The following ARMC1 variants were observed in gnomAD, a reference collection of about 807,000 sequenced individuals.
ARMC1 encodes armadillo repeat-containing protein 1.
ARMC1 carries 16 observed loss-of-function variants against 31.4 expected under a neutral mutation model. The ratio of observed to expected loss-of-function variants is 0.51; its 90% confidence interval spans 0.34 to 0.77. The LOEUF is 0.77. ARMC1 is among the 30% of genes least tolerant of loss of function. The probability of loss-of-function intolerance (pLI) is 0.01; values close to 1 mark genes in which losing one functional copy is unlikely to be tolerated. For missense variants in ARMC1, 259 were observed against 347.5 expected (o/e 0.75, Z 2.02); for synonymous variants, 114 against 118.9 (o/e 0.96, Z 0.27).
At position 65,606,254 on chromosome 8, in the gene ARMC1, G is replaced by A. The variant is rs185571426; in HGVS notation, c.466-716C>T. 2.2e-3 allele frequency among the ~76,000 whole-genome samples: 338 copies of A among 151,944 alleles called. 1 individual carries two copies. Among genetic ancestry groups the A allele is most frequent in the African/African-American group, 7.8e-3 (323 of 41,458 alleles). ...CGTGTGCCTGTAGTCCCAGCTGCTC[G>A]GGAGGCTGAGGCAGGAGAGTCACTT... On this transcript the variant is annotated intron_variant, in intron 4 of 6. Transcript: ENST00000276569.
At chr8:65,620,638 A>T (rs1808373728) in intron 3 of ARMC1, among the ~76,000 whole-genome samples, 1 of 151,810 alleles carries the variant, frequency 6.6e-6, no homozygotes. Flanking sequence ...GCTATTGATT[A>T]CCATACTAGA....
chr8:65,629,781 A>G (rs1313030971), intron 1 of ARMC1, among the ~76,000 whole-genome samples: 1 of 146,264 alleles, frequency 6.8e-6, no homozygotes, highest in East Asian at 2.0e-4. Flanking sequence ...CCTGGGCAAC[A>G]GAGCAAGACT....
intron 4 of ARMC1, among the ~76,000 whole-genome samples, chr8:65,609,413 A>C (rs1808074248): frequency 6.6e-6 from 1 of 152,146 alleles, no homozygotes; most frequent in African/African-American, 2.4e-5. Flanking sequence ...CAGTGAATCA[A>C]TTTACCTTTA....
At chr8:65,622,240 G>A in intron 3 of ARMC1, 23 bp downstream of exon 3, 4 of 1,558,136 alleles carry the variant, frequency 2.6e-6, no homozygotes, top group South Asian at 2.2e-5. Flanking sequence ...ATAAATAAAT[G>A]AGACACTGTC....
intron 3 of ARMC1, among the ~76,000 whole-genome samples, chr8:65,621,789 A>G (rs1177237961): frequency 6.6e-6 from 1 of 152,224 alleles, no homozygotes. Flanking sequence ...GATTTCAGGC[A>G]TGAGCCACCA....
intron 2 of ARMC1, among the ~76,000 whole-genome samples, chr8:65,625,553 A>T (rs2129043858): frequency 6.6e-6 from 1 of 152,298 alleles, no homozygotes; most frequent in East Asian, 1.9e-4. Flanking sequence ...TAGTCTATTT[A>T]AAAATAAAAA....
rs188499355 is a variant in ARMC1 at position 65,625,988 on chromosome 8, A to C, written c.183+1228T>G. ...ACTGCAACCTCTGCCTCCTGGGTTC[A>C]AGGGATTCTCCTGCCTCAGCCTCCT... On this transcript the variant is annotated intron_variant, in intron 2 of 6. Coordinates refer to ENST00000276569, the MANE Select transcript of ARMC1 (RefSeq NM_018120.6). 7.4e-3 allele frequency among the ~76,000 whole-genome samples: 1,121 copies of C among 150,758 alleles called. 35 individuals are homozygous for C. The highest frequency in any genetic ancestry group is 0.053 in the Admixed American group (794 of 15,014).
intron 3 of ARMC1, among the ~76,000 whole-genome samples, chr8:65,618,001 C>T (rs200485023): frequency 6.6e-6 from 1 of 151,446 alleles, no homozygotes; most frequent in African/African-American, 2.4e-5. Context: ...CTGCCACCTC[C>T]ACCTCCCGGG....
intron 4 of ARMC1, among the ~76,000 whole-genome samples, chr8:65,606,405 A>G (rs545004512): frequency 6.6e-6 from 1 of 152,122 alleles, no homozygotes; most frequent in Non-Finnish European, 1.5e-5. Context: ...TATGATCCAC[A>G]CACTAGCCTA....
At chr8:65,611,659 G>C (rs945777473) in intron 4 of ARMC1, among the ~76,000 whole-genome samples, 1 of 151,944 alleles carries the variant, frequency 6.6e-6, no homozygotes, top group Non-Finnish European at 1.5e-5. Context: ...TATATAAACA[G>C]TTAGGCATCT....
intron 2 of ARMC1, among the ~76,000 whole-genome samples, chr8:65,624,410 A>T (rs1434694026): frequency 7.0e-6 from 1 of 142,350 alleles, no homozygotes; most frequent in Non-Finnish European, 1.5e-5. Flanking sequence ...GAGGCAGAAG[A>T]ATCATTTGAA....
chr8:65,614,151 A>G (rs1808201928), intron 3 of ARMC1, among the ~76,000 whole-genome samples: 1 of 152,224 alleles, frequency 6.6e-6, no homozygotes, highest in Non-Finnish European at 1.5e-5. Context: ...CATTCATACT[A>G]TCAACTAATT....
chr8:65,633,124 G>T (rs1433133580), intron 1 of ARMC1: 1 of 152,186 alleles, frequency 6.6e-6, no homozygotes, highest in Admixed American at 6.5e-5. Flanking sequence ...AGATACATGT[G>T]AGACACCTGT....
chr8:65,607,847 T>A (rs2129041010), intron 4 of ARMC1, among the ~76,000 whole-genome samples: 1 of 152,272 alleles, frequency 6.6e-6, no homozygotes, highest in Non-Finnish European at 1.5e-5. Context: ...TTAATTTTTT[T>A]TATTAAGTCT....
In ARMC1 at chr8:65,605,298, C is replaced by A; in HGVS notation, c.622G>T (p.Ala208Ser). Reference sequence around the variant, plus strand: ...CTTTCACTTTTCACAACTTGCTGAGCTTTCATAACCTTGGTTGATGCTATT... The same window carrying A: ...CTTTCACTTTTCACAACTTGCTGAGATTTCATAACCTTGGTTGATGCTATT... Reference protein sequence around the residue: ...SAIASTKVMKAQQVVKSESGE... With the variant: ...SAIASTKVMKSQQVVKSESGE... Residue 208 changes from alanine (A) to serine (S), a missense_variant, in exon 6 of 7, where the codon GCT (alanine) becomes TCT (serine). Physicochemically the swap from Ala to Ser is moderately conservative, Grantham distance 99 (BLOSUM62 1). This residue lies in a region of ARMC1 where 73 missense variants were observed against 100.0 expected (regional missense o/e 0.73). Coordinates refer to ENST00000276569, the MANE Select transcript of ARMC1 (RefSeq NM_018120.6). 1.9e-6 allele frequency: 3 copies of A among 1,613,650 alleles called. No homozygotes were observed. Among genetic ancestry groups the A allele is most frequent in the Non-Finnish European group, 1.7e-6 (2 of 1,179,934 alleles).
chr8:65,608,303 G>A (rs1808045997), intron 4 of ARMC1, among the ~76,000 whole-genome samples: 1 of 152,188 alleles, frequency 6.6e-6, no homozygotes, highest in Non-Finnish European at 1.5e-5. Flanking sequence ...GAGGCAGGTG[G>A]ATCACCTGAG....
chr8:65,610,700 A>G (rs1808119117), intron 4 of ARMC1, among the ~76,000 whole-genome samples: 1 of 152,102 alleles, frequency 6.6e-6, no homozygotes. Context: ...CGTCTCAAAA[A>G]AAAAAAATTT....
intron 2 of ARMC1, among the ~76,000 whole-genome samples, chr8:65,623,198 C>T (rs1294500265): frequency 1.3e-5 from 2 of 150,832 alleles, no homozygotes; most frequent in Admixed American, 1.3e-4. Context: ...ATCCCAGCTA[C>T]TCAGGAGGCT....
intron 6 of ARMC1, among the ~76,000 whole-genome samples, chr8:65,605,054 T>C (rs1232462287): frequency 2.0e-5 from 3 of 152,218 alleles, no homozygotes; most frequent in Non-Finnish European, 4.4e-5. Context: ...GGAAGACACA[T>C]ATCCTTTATT....
Sources: allele counts gnomAD v4.1 joint callset (sites outside exome capture counted in the v4.1 genomes callset), GRCh38; gene constraint gnomAD v4.1.1; regional missense constraint gnomAD v4.1.1; transcripts MANE v1.5; gene names NCBI Gene and HGNC (gene_info 2026-07-23, HGNC 2026-07-21).